Variants in BPIFB3 observed in about 807,000 individuals in gnomAD.
BPIFB3 encodes BPI fold containing family B member 3.
A neutral mutation model predicts 53.1 loss-of-function variants in BPIFB3; 49 were observed. That is an observed-to-expected ratio of 0.92 (90% CI 0.73 to 1.17). The LOEUF is 1.17. Among genes scored for constraint, BPIFB3 ranks in the 50% most tolerant of loss-of-function variants. BPIFB3 has a pLI of 0.00. For synonymous variants in BPIFB3, 271 were observed against 269.6 expected (o/e 1.01, Z -0.05); for missense variants, 628 against 592.5 (o/e 1.06, Z -0.62).
chr20:33,059,297 ACACCACCAAGAGC>A, intron 2 of BPIFB3, 68 bp from the exon 4 acceptor site: 1 of 959,966 alleles, frequency 1.0e-6, no homozygotes, highest in Non-Finnish European at 1.6e-6. Context: ...GAGATAGGGG[ACACCACCAAGAGC>A]CACTCTGGGC....
intron 2 of BPIFB3, among the ~76,000 whole-genome samples, chr20:33,057,817 TC>T (rs1028748895): frequency 1.3e-5 from 2 of 151,506 alleles, no homozygotes; most frequent in Non-Finnish European, 2.9e-5. Flanking sequence ...TTTTTTTTTT[TC>T]ATTCAAAAAA....
At chr20:33,071,135 G>T in intron 11 of BPIFB3, 118 bp from the exon 13 acceptor site, 1 of 1,062,166 alleles carries the variant, frequency 9.4e-7, no homozygotes, top group East Asian at 2.7e-5. Flanking sequence ...GATAGAGGCA[G>T]AGTGTTGGGC....
chr20:33,064,657 C>T lies in BPIFB3; in HGVS notation c.745-9C>T. The T allele has an allele frequency of 6.2e-7, 1 of 1,613,140 alleles. No individual in the cohort carries two copies. Among genetic ancestry groups the T allele is most frequent in the Non-Finnish European group, 8.5e-7 (1 of 1,179,466 alleles). On this transcript the variant is annotated splice_polypyrimidine_tract_variant and intron_variant, in intron 7 of 14. Coordinates refer to ENST00000375494, the Ensembl canonical transcript of BPIFB3. ...AGACCCTCCTCGGCCCTGTTTCCTG[C>T]CCCTGCAGCCTATCGTGAAGAGTGT...
At chr20:33,069,119 A>C in intron 10 of BPIFB3, 146 bp downstream of exon 11, 1 of 889,372 alleles carries the variant, frequency 1.1e-6, no homozygotes, top group Non-Finnish European at 1.7e-6. Flanking sequence ...CCCCACAACC[A>C]CTGTCATCAT....
At chr20:33,054,154 G>T (rs567749800), upstream of BPIFB3, among the ~76,000 whole-genome samples, 6 of 152,216 alleles carry the variant, frequency 3.9e-5, no homozygotes, top group African/African-American at 7.2e-5. Context: ...GCAAAGACTT[G>T]TATATATTCA....
rs370006680 is a variant in BPIFB3 at position 33,066,841 on chromosome 20, A to C, written c.942A>C (p.Pro314=). Residue 314 remains proline (P), a synonymous_variant, in exon 9 of 15, where the codon CCA becomes CCC. Coordinates refer to ENST00000375494, the Ensembl canonical transcript of BPIFB3. The stretch of plus-strand genomic sequence containing the variant: ...GGGTCCAGGTTCCCAGCGATGTCCC[A>C]CTGACAACTACAGACCTGGCAGCTT... The C allele has an allele frequency of 4.3e-5, 69 of 1,614,046 alleles. No individual in the cohort carries two copies. In the African/African-American group the frequency reaches 9.1e-4, roughly 21 times the overall value.
chr20:33,063,879 C>T (rs1980554046), intron 6 of BPIFB3, among the ~76,000 whole-genome samples: 1 of 152,190 alleles, frequency 6.6e-6, no homozygotes, highest in African/African-American at 2.4e-5. Context: ...AGACCCAGAA[C>T]CATCAGTTCT....
At position 33,067,412 on chromosome 20, in the gene BPIFB3, C is replaced by T. The variant is rs77495592; in HGVS notation, c.978+535C>T. Among the ~76,000 whole-genome samples the T allele has an allele frequency of 2.8e-3, 424 of 152,268 alleles. 2 individuals carry two copies. Among genetic ancestry groups the T allele is most frequent in the Admixed American group, 5.4e-3 (83 of 15,284 alleles). ...AAGTTAAAATGTCTACTACAAGGTC[C>T]TTATGTAACAGCAGGTTCTGAAAGA... On this transcript the variant is annotated intron_variant, in intron 9 of 14. Transcript: ENST00000375494.
intron 1 of BPIFB3, 130 bp downstream of exon 2, chr20:33,055,677 C>G: frequency 7.4e-7 from 1 of 1,347,650 alleles, no homozygotes; most frequent in African/African-American, 1.4e-5. Context: ...AGAGCACATT[C>G]TCCTGGGAGT....
At chr20:33,069,053 C>T (rs1262855971) in intron 10 of BPIFB3, 80 bp downstream of exon 11, 28 of 1,467,972 alleles carry the variant, frequency 1.9e-5, no homozygotes, top group East Asian at 1.8e-4. Flanking sequence ...GTGGAGGTAC[C>T]GTCCCCCTGA....
At chr20:33,072,743 C>T (rs777911331) in exon 14 of BPIFB3, 3 of 1,613,600 alleles carry the variant, frequency 1.9e-6, no homozygotes, top group East Asian at 4.5e-5. Flanking sequence ...AATTCCCCTG[C>T]CTAAGGTTCT....
chr20:33,073,587 G>C (rs1980988529), exon 15 of BPIFB3: 1 of 1,613,960 alleles, frequency 6.2e-7, no homozygotes, highest in South Asian at 1.1e-5. Flanking sequence ...ATGCTGTTGT[G>C]CTGACCGTGG....
Position 33,064,564 on chromosome 20 carries a change from G to A in BPIFB3, c.744+16G>A, listed in dbSNP as rs1245340268. 2 of 1,613,194 alleles carry A rather than the reference G, an allele frequency of 1.2e-6. No individual in the cohort carries two copies. The highest frequency in any genetic ancestry group is 4.5e-5 in the East Asian group (2 of 44,882). ...GGACATCAACGTGAGTAACCAGAGG[G>A]GCCTCTCCTCCTGCTGGGGGTGGCT... On this transcript the variant is annotated intron_variant, in intron 7 of 14. Coordinates refer to ENST00000375494, the Ensembl canonical transcript of BPIFB3.
intron 12 of BPIFB3, 117 bp downstream of exon 13, chr20:33,071,412 C>T: frequency 1.6e-6 from 2 of 1,212,142 alleles, no homozygotes; most frequent in Non-Finnish European, 2.3e-6. Context: ...GGACTGGGAT[C>T]CTCCCCAATT....
At chr20:33,059,797 A>T in intron 3 of BPIFB3, 94 bp from the exon 5 acceptor site, 6 of 1,503,950 alleles carry the variant, frequency 4.0e-6, no homozygotes, top group Non-Finnish European at 5.4e-6. Context: ...AGAAGGGGGC[A>T]CAGAGCCTAG....
chr20:33,071,962 C>A, intron 12 of BPIFB3, 142 bp from the exon 14 acceptor site: 1 of 783,454 alleles, frequency 1.3e-6, no homozygotes, highest in South Asian at 1.5e-5. Context: ...GTGCCCAGTG[C>A]CTGCCAGGAG....
In BPIFB3 at chr20:33,062,337, C is replaced by T. The variant is rs1056965897; in HGVS notation, c.591+506C>T. Among the ~76,000 whole-genome samples, 17 of 152,270 alleles carry T rather than the reference C, an allele frequency of 1.1e-4. 1 individual carries two copies. In the South Asian group the frequency reaches 2.1e-3, roughly 19 times the overall value. ...TGGTCTGGCCCAAACCCCATATCAC[C>T]GAGGAAGAGGGGAGGGCCACATAGA... On this transcript the variant is annotated intron_variant, in intron 5 of 14. Transcript: ENST00000375494.
At chr20:33,056,077 AGAAGC>A (rs1449951637) in intron 1 of BPIFB3, among the ~76,000 whole-genome samples, 1 of 152,068 alleles carries the variant, frequency 6.6e-6, no homozygotes, top group African/African-American at 2.4e-5. Flanking sequence ...TGCCCAGGAG[AGAAGC>A]AGAGACCATC....
Position 33,064,565 on chromosome 20 carries a change from G to A in BPIFB3, c.744+17G>A. Reference sequence around the variant, plus strand: ...GACATCAACGTGAGTAACCAGAGGGGCCTCTCCTCCTGCTGGGGGTGGCTA... The same window carrying A: ...GACATCAACGTGAGTAACCAGAGGGACCTCTCCTCCTGCTGGGGGTGGCTA... On this transcript the variant is annotated intron_variant, in intron 7 of 14. Transcript: ENST00000375494. 6.2e-7 allele frequency: 1 copy of A among 1,613,134 alleles called. No individual in the cohort carries two copies. Among genetic ancestry groups the A allele is most frequent in the Non-Finnish European group, 8.5e-7 (1 of 1,179,130 alleles).
Sources: allele counts gnomAD v4.1 joint callset (sites outside exome capture counted in the v4.1 genomes callset), GRCh38; gene constraint gnomAD v4.1.1; transcripts MANE v1.5; gene names NCBI Gene and HGNC (gene_info 2026-07-23, HGNC 2026-07-21).